PAN3: variants seen among roughly 807,000 people sequenced by gnomAD.
The protein encoded by PAN3 is poly(A) specific ribonuclease subunit PAN3.
In PAN3, 19 loss-of-function variants were observed where a neutral mutation model predicts 96.2. The ratio of observed to expected loss-of-function variants is 0.20; its 90% CI spans 0.14 to 0.29. The LOEUF (loss-of-function observed/expected upper bound fraction) is 0.29. Among genes scored for constraint, PAN3 ranks in the 10% least tolerant of loss-of-function variants. PAN3 has a pLI of 1.00. For missense variants in PAN3, 882 were observed against 1,108.1 expected, an observed-to-expected ratio of 0.80 and a Z score of 2.90; for synonymous variants, 433 against 406.6, an observed-to-expected ratio of 1.06 and a Z score of -0.78.
chr13:28,197,177 T>C lies in PAN3; in HGVS notation c.691-8T>C. Reference sequence around the variant, plus strand: ...GAGTGGCCTGGTTTCTTTCCTTCTTTTTCCTAGCCAAGGAAGTATCGCCTG... The same window carrying C: ...GAGTGGCCTGGTTTCTTTCCTTCTTCTTCCTAGCCAAGGAAGTATCGCCTG... On this transcript the variant is annotated splice_polypyrimidine_tract_variant and splice_region_variant and intron_variant, in intron 4 of 18. Transcript: ENST00000380958. The C allele has an allele frequency of 6.2e-7, 1 of 1,610,372 alleles. No individual in the cohort carries two copies. Among genetic ancestry groups the C allele is most frequent in the Non-Finnish European group, 8.5e-7 (1 of 1,178,388 alleles).
intron 4 of PAN3, among the ~76,000 whole-genome samples, chr13:28,187,248 G>A (rs931612808): frequency 6.6e-6 from 1 of 152,050 alleles, no homozygotes; most frequent in Non-Finnish European, 1.5e-5. Context: ...GATCACCTAA[G>A]CCCAGGAGGT....
intron 6 of PAN3, among the ~76,000 whole-genome samples, chr13:28,248,979 C>A (rs7332006): frequency 0.019 from 2,870 of 151,944 alleles, 100 homozygotes; most frequent in African/African-American, 0.066. Context: ...GCATGTTAGA[C>A]CTTTATTAAA....
chr13:28,220,944 T>C (rs1881339194), intron 6 of PAN3, among the ~76,000 whole-genome samples: 1 of 152,162 alleles, frequency 6.6e-6, no homozygotes, highest in African/African-American at 2.4e-5. Flanking sequence ...TTAGTTATCT[T>C]CTGCCCATAA....
At chr13:28,280,613 G>A (rs1887395803) in intron 16 of PAN3, 72 bp downstream of exon 16, 3 of 1,330,058 alleles carry the variant, frequency 2.3e-6, no homozygotes, top group Non-Finnish European at 3.0e-6. Context: ...CCAGGCTGGA[G>A]TGCAGTGGTG....
chr13:28,153,691 A>G (rs1356799728), intron 1 of PAN3, among the ~76,000 whole-genome samples: 2 of 152,232 alleles, frequency 1.3e-5, no homozygotes, highest in Non-Finnish European at 2.9e-5. Flanking sequence ...AAAAAGAATC[A>G]GTAAAGATAA....
chr13:28,210,898 C>A (rs1399125208), intron 5 of PAN3, among the ~76,000 whole-genome samples: 12 of 151,840 alleles, frequency 7.9e-5, no homozygotes, highest in African/African-American at 2.9e-4. Flanking sequence ...TCTTTAGGTC[C>A]ATGGATCTCA....
At chr13:28,222,866 A>G (rs1378879862) in intron 6 of PAN3, among the ~76,000 whole-genome samples, 1 of 152,202 alleles carries the variant, frequency 6.6e-6, no homozygotes, top group African/African-American at 2.4e-5. Context: ...AAAGTATCAA[A>G]TTACTATAAA....
intron 6 of PAN3, among the ~76,000 whole-genome samples, chr13:28,228,138 T>A (rs1165513332): frequency 6.6e-6 from 1 of 152,192 alleles, no homozygotes; most frequent in Non-Finnish European, 1.5e-5. Flanking sequence ...AGATAGTATT[T>A]GTGTGAATAA....
At chr13:28,273,095 G>A (rs374835320) in intron 14 of PAN3, among the ~76,000 whole-genome samples, 1 of 152,086 alleles carries the variant, frequency 6.6e-6, no homozygotes, top group South Asian at 2.1e-4. Flanking sequence ...TCATAGGTTT[G>A]TTATTGGATT....
At chr13:28,196,030 T>G (rs886868088) in intron 4 of PAN3, among the ~76,000 whole-genome samples, 1 of 151,246 alleles carries the variant, frequency 6.6e-6, no homozygotes, top group African/African-American at 2.4e-5. Context: ...TTTTTTGTTT[T>G]TTTTTTTTTA....
intron 6 of PAN3, among the ~76,000 whole-genome samples, chr13:28,237,662 T>A (rs978547778): frequency 6.6e-6 from 1 of 152,234 alleles, no homozygotes; most frequent in African/African-American, 2.4e-5. Flanking sequence ...TTATTGAATA[T>A]AATAGCTTGA....
In PAN3 at chr13:28,208,467, T is replaced by G. The variant is rs553759213; in HGVS notation, c.852+11121T>G. ...ACTTTTACATGTAAATAACTTCAGA[T>G]TCTTTTAAGTACAGGTTCAGTATAC... On this transcript the variant is annotated intron_variant, in intron 5 of 18. Coordinates refer to ENST00000380958, the MANE Select transcript of PAN3 (RefSeq NM_175854.8). Among the ~76,000 whole-genome samples the G allele has an allele frequency of 1.1e-4, 17 of 152,330 alleles. No individual in the cohort carries two copies. The South Asian group carries it at 3.5e-3, about 32-fold the overall frequency.
intron 5 of PAN3, among the ~76,000 whole-genome samples, chr13:28,200,275 G>T (rs970125209): frequency 1.3e-5 from 2 of 152,230 alleles, no homozygotes; most frequent in Non-Finnish European, 2.9e-5. Context: ...TCTGCAGCAT[G>T]TAAGCTCTGT....
At chr13:28,251,889 T>TTTG (rs1014813090) in intron 6 of PAN3, among the ~76,000 whole-genome samples, 44 of 151,808 alleles carry the variant, frequency 2.9e-4, no homozygotes, top group Non-Finnish European at 5.0e-4. Context: ...TGTTTGTTTG[T>TTTG]TTGTTTGTTT....
At chr13:28,169,634 G>A (rs1050222098) in intron 1 of PAN3, among the ~76,000 whole-genome samples, 30 of 152,190 alleles carry the variant, frequency 2.0e-4, no homozygotes, top group African/African-American at 7.0e-4. Context: ...ATGGAATAAC[G>A]TATCATTGGT....
intron 4 of PAN3, among the ~76,000 whole-genome samples, chr13:28,182,035 AAAG>A (rs1172740833): frequency 6.6e-6 from 1 of 152,254 alleles, no homozygotes; most frequent in East Asian, 1.9e-4. Context: ...ACTGTTATGA[AAAG>A]AAGTAGTTTT....
intron 9 of PAN3, 135 bp from the exon 10 acceptor site, chr13:28,266,580 G>C (rs1886199044): frequency 1.7e-6 from 1 of 597,994 alleles, no homozygotes; most frequent in African/African-American, 1.9e-5. Context: ...TGTAATAAAT[G>C]TTTACACTAT....
chr13:28,172,238 GAGGTC>G lies in PAN3; in HGVS notation c.431-2030_431-2026del, dbSNP rs1467989571. ...TGGGAGGCCGAGGCGGGTGGATCAC[GAGGTC>G]AGGAGATTGAGACCATCCTGGCTAA... On this transcript the variant is annotated intron_variant, in intron 1 of 18. Coordinates refer to ENST00000380958, the MANE Select transcript of PAN3 (RefSeq NM_175854.8). 1.8e-4 allele frequency among the ~76,000 whole-genome samples: 27 copies of G among 152,258 alleles called. No individual in the cohort carries two copies. In the South Asian group the frequency reaches 5.4e-3, roughly 30 times the overall value.
chr13:28,160,775 C>T (rs542027137), intron 1 of PAN3, among the ~76,000 whole-genome samples: 15 of 152,244 alleles, frequency 9.9e-5, no homozygotes, highest in Middle Eastern at 3.4e-3. Context: ...AGAGATTGAT[C>T]TATTTAGATT....
Sources: gnomAD v4.1 joint callset for allele counts (sites outside exome capture counted in the v4.1 genomes callset) on GRCh38, gnomAD v4.1.1 for gene constraint, MANE v1.5 for transcripts, NCBI Gene and HGNC (gene_info 2026-07-23, HGNC 2026-07-21) for gene names.